Variants in GPHN observed in about 807,000 individuals in gnomAD.
The protein encoded by GPHN is gephyrin.
A neutral mutation model predicts 95.5 loss-of-function variants in GPHN; 17 were observed. The observed-to-expected ratio is 0.18, with a 90% CI of 0.12 to 0.27. GPHN has a LOEUF of 0.27. Ranked by LOEUF, GPHN falls within the 10% of genes least tolerant of loss-of-function variation. The pLI, the probability that GPHN is intolerant of heterozygous loss-of-function variation, is 1.00. For missense variants in GPHN, 660 were observed against 978.1 expected (o/e 0.67, Z 4.34); for synonymous variants, 320 against 322.5 (o/e 0.99, Z 0.08).
intron 18 of GPHN, among the ~76,000 whole-genome samples, chr14:67,146,462 A>G (rs184419367): frequency 2.6e-5 from 4 of 152,336 alleles, no homozygotes; most frequent in Non-Finnish European, 4.4e-5. Context: ...CTACAAAATT[A>G]TTAAATAACT....
the GPHN span, among the ~76,000 whole-genome samples, chr14:67,618,855 C>CA: frequency 6.6e-6 from 1 of 152,158 alleles, no homozygotes; most frequent in Non-Finnish European, 1.5e-5. Flanking sequence ...TCTTAGGGTA[C>CA]TAAAACTCCT....
chr14:66,601,033 A>G (rs1385570580), intron 1 of GPHN, among the ~76,000 whole-genome samples: 1 of 152,168 alleles, frequency 6.6e-6, no homozygotes, highest in Non-Finnish European at 1.5e-5. Context: ...TTTATTGGTC[A>G]TAGCAATCCT....
chr14:67,242,868 T>C, the GPHN span, among the ~76,000 whole-genome samples: 1 of 152,234 alleles, frequency 6.6e-6, no homozygotes, highest in Non-Finnish European at 1.5e-5. Flanking sequence ...TTGATTAACA[T>C]TAATTTGTTT....
intron 2 of GPHN, among the ~76,000 whole-genome samples, chr14:66,730,313 A>C (rs1451736126): frequency 6.6e-6 from 1 of 152,200 alleles, no homozygotes; most frequent in East Asian, 1.9e-4. Flanking sequence ...GCCTTTGAAA[A>C]TCAGGCTCAC....
At chr14:66,731,159 A>T (rs972027534) in intron 2 of GPHN, among the ~76,000 whole-genome samples, 1 of 152,178 alleles carries the variant, frequency 6.6e-6, no homozygotes, top group Non-Finnish European at 1.5e-5. Flanking sequence ...TCTTTTCTTT[A>T]TAAATTACCC....
At chr14:67,284,121 A>T in the GPHN span, among the ~76,000 whole-genome samples, 1 of 152,176 alleles carries the variant, frequency 6.6e-6, no homozygotes, top group Non-Finnish European at 1.5e-5. Context: ...GTTTGAATGA[A>T]ATTTAATTTT....
At chr14:66,666,629 T>C (rs2065974759) in intron 1 of GPHN, among the ~76,000 whole-genome samples, 1 of 152,000 alleles carries the variant, frequency 6.6e-6, no homozygotes, top group Non-Finnish European at 1.5e-5. Context: ...AAGAAATGAA[T>C]ATACCTCAAA....
intron 8 of GPHN, among the ~76,000 whole-genome samples, chr14:66,939,218 AG>A (rs1309416734): frequency 6.6e-6 from 1 of 152,206 alleles, no homozygotes; most frequent in Non-Finnish European, 1.5e-5. Flanking sequence ...GCACATCCAA[AG>A]ATTCTATGAA....
At chr14:67,616,113 T>A in the GPHN span, 1 of 275,298 alleles carries the variant, frequency 3.6e-6, no homozygotes, top group Non-Finnish European at 7.4e-6. Context: ...AGTGCAGTTT[T>A]TTTTCTTGTC....
intron 4 of GPHN, among the ~76,000 whole-genome samples, chr14:66,836,944 A>G (rs1271708407): frequency 1.4e-5 from 2 of 148,008 alleles, no homozygotes; most frequent in Non-Finnish European, 3.0e-5. Context: ...TCAGGAAACA[A>G]CAGGTGCTGG....
the GPHN span, among the ~76,000 whole-genome samples, chr14:67,525,422 C>T: frequency 6.6e-6 from 1 of 152,166 alleles, no homozygotes; most frequent in Non-Finnish European, 1.5e-5. Context: ...TAATACTTTA[C>T]TTACTAGTCC....
At chr14:67,425,531 T>G in the GPHN span, among the ~76,000 whole-genome samples, 1 of 152,044 alleles carries the variant, frequency 6.6e-6, no homozygotes, top group African/African-American at 2.4e-5. Context: ...CAACAGAGTC[T>G]CTAAAACCAA....
At chr14:66,693,323 G>T (rs1003245028) in intron 2 of GPHN, among the ~76,000 whole-genome samples, 79 of 152,084 alleles carry the variant, frequency 5.2e-4, no homozygotes, top group Non-Finnish European at 6.6e-4. Flanking sequence ...GATATTATTT[G>T]TTTTGCTATT....
the GPHN span, among the ~76,000 whole-genome samples, chr14:67,518,872 A>G: frequency 6.6e-6 from 1 of 152,238 alleles, no homozygotes; most frequent in African/African-American, 2.4e-5. Context: ...GAAAGGGTCT[A>G]GGAGGGAGAC....
intron 5 of GPHN, among the ~76,000 whole-genome samples, chr14:66,882,628 G>A (rs917664322): frequency 1.3e-5 from 2 of 151,362 alleles, no homozygotes; most frequent in Admixed American, 6.6e-5. Context: ...CAAATTTCTT[G>A]GATAAAGTGA....
the GPHN span, chr14:67,678,533 G>T: frequency 1.5e-6 from 1 of 661,776 alleles, no homozygotes. Context: ...TGTTCTCCAT[G>T]TACTTCACAG....
the GPHN span, among the ~76,000 whole-genome samples, chr14:67,635,345 T>G: frequency 6.6e-6 from 1 of 152,218 alleles, no homozygotes; most frequent in African/African-American, 2.4e-5. Context: ...CAAATGAGTT[T>G]ACCTAAATAA....
chr14:67,359,534 G>A, the GPHN span: 4 of 1,112,760 alleles, frequency 3.6e-6, no homozygotes, highest in East Asian at 5.0e-5. Context: ...CTCAAGAAAA[G>A]AACCTGGGAA....
At chr14:67,328,309 G>A in the GPHN span, among the ~76,000 whole-genome samples, 3 of 152,160 alleles carry the variant, frequency 2.0e-5, no homozygotes, top group African/African-American at 7.2e-5. Flanking sequence ...CATATCCTTT[G>A]CCCACTTTTT....
Sources: allele counts gnomAD v4.1 joint callset (sites outside exome capture counted in the v4.1 genomes callset), GRCh38; gene constraint gnomAD v4.1.1; transcripts MANE v1.5; gene names NCBI Gene and HGNC (gene_info 2026-07-23, HGNC 2026-07-21).